NKAIN2: variants seen among roughly 807,000 people sequenced by gnomAD.
NKAIN2 encodes sodium/potassium-transporting ATPase subunit beta-1-interacting protein 2.
In NKAIN2, 14 loss-of-function variants were observed where a neutral mutation model predicts 32.6. The ratio of observed to expected loss-of-function variants is 0.43; its 90% confidence interval spans 0.28 to 0.67. The LOEUF is 0.67. NKAIN2 is among the 30% of genes least tolerant of loss of function. The pLI is 0.17. For synonymous variants in NKAIN2, 80 were observed against 87.2 expected (o/e 0.92, Z 0.46); for missense variants, 198 against 258.3 (o/e 0.77, Z 1.60).
chr6:124,091,145 T>A (rs1187193408), intron 1 of NKAIN2, among the ~76,000 whole-genome samples: 1 of 151,958 alleles, frequency 6.6e-6, no homozygotes, highest in Non-Finnish European at 1.5e-5. Flanking sequence ...AAATAAACAT[T>A]AAATTGATTT....
At position 124,596,666 on chromosome 6, in the gene NKAIN2, GTGTGTGTGT is replaced by G. The variant is rs746173062; in HGVS notation, c.274-61519_274-61511del. On this transcript the variant is annotated intron_variant, in intron 3 of 6. Transcript: ENST00000368417. ...AAACAGAACAAATAAACCATAGGGTGTGTGTGTGTGTGTGTGTGTGTGTGTGTGTGTGTG... is the reference window on the plus strand; with the variant it reads ...AAACAGAACAAATAAACCATAGGGTGGTGTGTGTGTGTGTGTGTGTGTGTG... Among the ~76,000 whole-genome samples, 389 of 84,482 alleles carry G rather than the reference GTGTGTGTGT, an allele frequency of 4.6e-3. 2 individuals are homozygous for G. The highest frequency in any genetic ancestry group is 7.8e-3 in the Non-Finnish European group (295 of 38,054). 55.4% of individuals were successfully genotyped at this position (84,482 alleles called of 152,430 possible). A position where few individuals can be genotyped will look rare whatever the true frequency, so the allele number is the denominator to read the frequency against.
At chr6:123,847,127 A>T (rs888085860) in intron 1 of NKAIN2, among the ~76,000 whole-genome samples, 1 of 152,244 alleles carries the variant, frequency 6.6e-6, no homozygotes, top group Admixed American at 6.5e-5. Flanking sequence ...CAATACATAC[A>T]TATCCACAGT....
At chr6:124,539,482 C>A (rs907824129) in intron 3 of NKAIN2, among the ~76,000 whole-genome samples, 2 of 151,736 alleles carry the variant, frequency 1.3e-5, no homozygotes, top group African/African-American at 4.8e-5. Context: ...TCAAATTAAT[C>A]CTCAGGAATA....
intron 4 of NKAIN2, among the ~76,000 whole-genome samples, chr6:124,724,775 A>G (rs1433768611): frequency 1.3e-5 from 2 of 152,212 alleles, no homozygotes; most frequent in Non-Finnish European, 2.9e-5. Context: ...TCAAACTCTA[A>G]ATGCATAAAT....
At chr6:124,012,613 C>G (rs557209144) in intron 1 of NKAIN2, among the ~76,000 whole-genome samples, 30 of 152,200 alleles carry the variant, frequency 2.0e-4, no homozygotes, top group Non-Finnish European at 4.0e-4. Flanking sequence ...GGATTATAGG[C>G]ATACTCTACA....
chr6:124,159,567 CGTG>C, intron 1 of NKAIN2, among the ~76,000 whole-genome samples: 1 of 152,138 alleles, frequency 6.6e-6, no homozygotes, highest in Non-Finnish European at 1.5e-5. Context: ...TTACACTAAA[CGTG>C]ATGTCTTTGA....
Position 123,976,274 on chromosome 6 carries a change from TATATGTTTCC to T in NKAIN2, c.54+172025_54+172034del, listed in dbSNP as rs1292824286. 2.4e-3 allele frequency among the ~76,000 whole-genome samples: 307 copies of T among 125,462 alleles called. 47 individuals carry two copies. The South Asian group carries it at 0.034, about 14-fold the overall frequency. The allele number at this position is 125,462 out of a possible 152,430, so 82.3% of individuals were successfully genotyped here. A position where few individuals can be genotyped will look rare whatever the true frequency, so the allele number is the denominator to read the frequency against. On this transcript the variant is annotated intron_variant, in intron 1 of 6. Transcript: ENST00000368417. ...ATATATATATATATATGTTTCCATATATATGTTTCCATATATATGTTTCCATATATATGTT... is the reference window on the plus strand; with the variant it reads ...ATATATATATATATATGTTTCCATATATATATATGTTTCCATATATATGTT...
intron 1 of NKAIN2, among the ~76,000 whole-genome samples, chr6:123,999,634 C>T (rs1186593003): frequency 2.0e-5 from 3 of 152,028 alleles, no homozygotes; most frequent in Non-Finnish European, 4.4e-5. Context: ...AATAAAAAGC[C>T]ACCTTAAAGT....
intron 4 of NKAIN2, among the ~76,000 whole-genome samples, chr6:124,774,146 CTA>C (rs1411675645): frequency 6.6e-6 from 1 of 152,116 alleles, no homozygotes; most frequent in East Asian, 1.9e-4. Flanking sequence ...TACAAGTAGA[CTA>C]TGAGTAAGGC....
intron 3 of NKAIN2, among the ~76,000 whole-genome samples, chr6:124,652,880 T>C (rs1784413939): frequency 6.6e-6 from 1 of 152,192 alleles, no homozygotes; most frequent in Non-Finnish European, 1.5e-5. Flanking sequence ...TAGGCTTCAC[T>C]TCCCAACACT....
At chr6:124,228,029 A>G (rs1314743498) in intron 1 of NKAIN2, among the ~76,000 whole-genome samples, 1 of 152,134 alleles carries the variant, frequency 6.6e-6, no homozygotes, top group East Asian at 1.9e-4. Flanking sequence ...CTATATTCTC[A>G]CGTGGCAAAG....
chr6:124,344,863 C>T (rs1798325113), intron 2 of NKAIN2, among the ~76,000 whole-genome samples: 1 of 152,122 alleles, frequency 6.6e-6, no homozygotes, highest in African/African-American at 2.4e-5. Context: ...GAACTTCCAA[C>T]ACTATGTTGA....
intron 1 of NKAIN2, among the ~76,000 whole-genome samples, chr6:124,059,544 A>G (rs1004726871): frequency 6.6e-6 from 1 of 152,124 alleles, no homozygotes; most frequent in East Asian, 1.9e-4. Context: ...AAGCTCCACA[A>G]TAGCAGGGAT....
intron 1 of NKAIN2, among the ~76,000 whole-genome samples, chr6:123,823,636 A>C (rs1449918480): frequency 6.6e-6 from 1 of 152,174 alleles, no homozygotes; most frequent in Non-Finnish European, 1.5e-5. Context: ...AGTGGGAAGC[A>C]AGAAGAGGGC....
At chr6:124,763,091 A>T (rs1778347851) in intron 4 of NKAIN2, among the ~76,000 whole-genome samples, 2 of 152,226 alleles carry the variant, frequency 1.3e-5, no homozygotes, top group African/African-American at 4.8e-5. Flanking sequence ...CGCAGAATCT[A>T]AAAAAGTTGA....
chr6:124,678,371 T>A (rs766053609), intron 4 of NKAIN2, among the ~76,000 whole-genome samples: 5 of 152,142 alleles, frequency 3.3e-5, no homozygotes, highest in Non-Finnish European at 5.9e-5. Context: ...TGATGTACCA[T>A]AAGTTCCTTA....
chr6:124,541,011 A>G (rs1446975941), intron 3 of NKAIN2, among the ~76,000 whole-genome samples: 5 of 152,178 alleles, frequency 3.3e-5, no homozygotes, highest in Non-Finnish European at 5.9e-5. Flanking sequence ...GAGCATCTGT[A>G]TATGCCACAG....
intron 5 of NKAIN2, chr6:124,794,991 TG>T (rs1263173772): frequency 5.4e-6 from 1 of 184,908 alleles, no homozygotes; most frequent in Non-Finnish European, 1.0e-5. Context: ...AAGCAAACCC[TG>T]AAACATGGGA....
At chr6:123,904,995 C>T (rs1774793417) in intron 1 of NKAIN2, among the ~76,000 whole-genome samples, 1 of 152,136 alleles carries the variant, frequency 6.6e-6, no homozygotes, top group Non-Finnish European at 1.5e-5. Context: ...AATAATTACA[C>T]ACTGAAGAGG....
Sources: gnomAD v4.1 joint callset for allele counts (sites outside exome capture counted in the v4.1 genomes callset) on GRCh38, gnomAD v4.1.1 for gene constraint, MANE v1.5 for transcripts, NCBI Gene and HGNC (gene_info 2026-07-23, HGNC 2026-07-21) for gene names.